The following DDR1 variants were observed in gnomAD, a reference collection of about 807,000 sequenced individuals.
DDR1 encodes the protein discoidin domain receptor tyrosine kinase 1, also known as epithelial discoidin domain-containing receptor 1.
Under a neutral mutation model 97.4 loss-of-function variants are expected in DDR1, and 64 were observed. That is an observed-to-expected ratio of 0.66 (90% CI 0.54 to 0.81). The LOEUF is 0.81. Among genes scored for constraint, DDR1 ranks in the 30% least tolerant of loss-of-function variants. The pLI is 0.00. For missense variants in DDR1, 990 were observed against 1,259.6 expected (o/e 0.79, Z 3.24); for synonymous variants, 458 against 503.7 (o/e 0.91, Z 1.21).
Position 30,888,812 on chromosome 6 carries a change from C to T in DDR1, c.83C>T (p.Pro28Leu). 6.2e-7 allele frequency: 1 copy of T among 1,613,010 alleles called. No homozygotes were observed. Among genetic ancestry groups the T allele is most frequent in the South Asian group, 1.1e-5 (1 of 91,072 alleles). Residue 28 changes from proline to leucine, a missense_variant and splice_region_variant, in exon 2 of 18, where the codon CCT becomes CTT. Pro to Leu is a moderately conservative substitution (Grantham distance 98). Coordinates refer to ENST00000376568, the MANE Select transcript of DDR1 (RefSeq NM_001297654.2). The surrounding 1 kb of genome is among the most constrained non-coding windows in gnomAD (Gnocchi z 4.2). ...GDADMKGHFDPAKCRYALGMQ... is the reference protein window; with the variant it reads ...GDADMKGHFDLAKCRYALGMQ... ...GCTGACATGAAGGGACATTTTGATC[C>T]TGGTGAGGAGACTGAATCATGGGTC... is the stretch of plus-strand genomic sequence containing the variant.
chr6:30,898,014 C>T, intron 15 of DDR1, 59 bp from the exon 16 acceptor site: 3 of 1,391,638 alleles, frequency 2.2e-6, no homozygotes, highest in Admixed American at 1.8e-5. Context: ...TCTCTCTCCT[C>T]TCCTGGATGG....
rs747763259 is a variant in DDR1, at chr6:30,891,547, G to GTGTGTGTGTGTGTGTGTGTTTGTT, written c.665+78_665+79insTGTGTGTGTTTGTTTGTGTGTGTG. 1 of 931,978 alleles carries GTGTGTGTGTGTGTGTGTGTTTGTT rather than the reference G, an allele frequency of 1.1e-6. No homozygotes were observed. The highest frequency in any genetic ancestry group is 1.6e-5 in the African/African-American group (1 of 60,730). 57.7% of individuals were successfully genotyped at this position (931,978 alleles called of 1,614,324 possible). The stretch of plus-strand genomic sequence containing the variant: ...GAGGACTGTGTGTGTGTGTGTGTGT[G>GTGTGTGTGTGTGTGTGTGTTTGTT]TGTGTGTGTGAGAGTGTGTGTGTGT... On this transcript the variant is annotated intron_variant, in intron 6 of 17. Coordinates refer to ENST00000376568, the MANE Select transcript of DDR1 (RefSeq NM_001297654.2). This position sits in a 1 kb window ranked among gnomAD's most constrained non-coding sequence, Gnocchi z 5.3.
At chr6:30,881,620 T>G (rs1323294030), upstream of DDR1, among the ~76,000 whole-genome samples, 1 of 152,188 alleles carries the variant, frequency 6.6e-6, no homozygotes, top group Non-Finnish European at 1.5e-5. Flanking sequence ...CTTAGGAGTT[T>G]GTTTCCAACA....
chr6:30,895,902 CAT>C (rs1375655107), intron 12 of DDR1, among the ~76,000 whole-genome samples: 4 of 152,144 alleles, frequency 2.6e-5, no homozygotes, highest in African/African-American at 9.7e-5. Context: ...CTTTCCCTCA[CAT>C]GTGTCCTCTC....
rs370113205 is a variant in DDR1 at position 30,896,692 on chromosome 6, G to A, written c.1696G>A (p.Val566Ile). The change falls in exon 13 of 18, where the codon GTC (valine) becomes ATC (isoleucine). Residue 566 changes from valine to isoleucine, a missense_variant. Coordinates refer to ENST00000376568, the MANE Select transcript of DDR1 (RefSeq NM_001297654.2). Reference sequence around the variant, plus strand: ...TCTGCCCCCACCTCCCCAGAACAGCGTCCCCCATTATGCCGAGGCTGACAT... The same window carrying A: ...TCTGCCCCCACCTCCCCAGAACAGCATCCCCCATTATGCCGAGGCTGACAT... ...PLLPPPPQNSVPHYAEADIVT... is the reference protein window; with the variant it reads ...PLLPPPPQNSIPHYAEADIVT... The A allele has an allele frequency of 1.1e-5, 17 of 1,611,148 alleles. No individual in the cohort carries two copies. Among genetic ancestry groups the A allele is most frequent in the South Asian group, 4.4e-5 (4 of 90,610 alleles).
At position 30,891,971 on chromosome 6, in the gene DDR1, A is replaced by G. The variant is rs780859666; in HGVS notation, c.666-31A>G. ...GATGTCAAGACCCTCTTCCCTTCCA[A>G]CCTCCTCTTCCTTGGTCCCCTCTTC... On this transcript the variant is annotated intron_variant, in intron 6 of 17. Coordinates refer to ENST00000376568, the MANE Select transcript of DDR1 (RefSeq NM_001297654.2). The surrounding 1 kb of genome is among the most constrained non-coding windows in gnomAD (Gnocchi z 5.3). 7.5e-6 allele frequency: 12 copies of G among 1,610,148 alleles called. No individual in the cohort carries two copies. The highest frequency in any genetic ancestry group is 2.2e-5 in the East Asian group (1 of 44,748).
rs146993618 is a variant in DDR1 at position 30,898,103 on chromosome 6, G to A, written c.2247G>A (p.Gln749=). 2 of 1,614,110 alleles carry A rather than the reference G, an allele frequency of 1.2e-6. No individual in the cohort carries two copies. Among genetic ancestry groups the A allele is most frequent in the Non-Finnish European group, 1.7e-6 (2 of 1,180,030 alleles). The part of the protein sequence containing the change: ...SYPMLLHVAA[Q]IASGMRYLAT... ...CAATGCTGCTGCATGTGGCAGCCCA[G>A]ATCGCCTCCGGCATGCGCTATCTGG... is the stretch of plus-strand genomic sequence containing the variant. Residue 749 remains glutamine (Q), a synonymous_variant, in exon 16 of 18, where the codon CAG becomes CAA. Coordinates refer to ENST00000376568, the MANE Select transcript of DDR1 (RefSeq NM_001297654.2).
chr6:30,891,082 T>C lies in DDR1; in HGVS notation c.527T>C (p.Val176Ala). Residue 176 changes from valine (V) to alanine (A), a missense_variant, in exon 5 of 18, where the codon GTC becomes GCC. Coordinates refer to ENST00000376568, the MANE Select transcript of DDR1 (RefSeq NM_001297654.2). This position sits in a 1 kb window ranked among gnomAD's most constrained non-coding sequence, Gnocchi z 5.3. ...FYPRADRVMS[V>A]CLRVELYGCL... ...CCCCGGGCTGACCGGGTCATGAGCG[T>C]CTGTCTGCGGGTAGAGCTCTATGGC... 6.2e-7 allele frequency: 1 copy of C among 1,613,000 alleles called. No individual in the cohort carries two copies. Among genetic ancestry groups the C allele is most frequent in the Non-Finnish European group, 8.5e-7 (1 of 1,180,010 alleles).
At chr6:30,883,061 C>T (rs1784554127), upstream of DDR1, 1 of 152,336 alleles carries the variant, frequency 6.6e-6, no homozygotes, top group African/African-American at 2.4e-5. The surrounding 1 kb of genome is among the most constrained non-coding windows in gnomAD (Gnocchi z 4.9). Context: ...TCGAGTGACC[C>T]TGGGGCTGTC....
chr6:30,893,138 A>G lies in DDR1; in HGVS notation c.1170A>G (p.Pro390=), dbSNP rs567947293. 2 of 1,609,782 alleles carry G rather than the reference A, an allele frequency of 1.2e-6. No individual in the cohort carries two copies. Among genetic ancestry groups the G allele is most frequent in the Admixed American group, 1.7e-5 (1 of 59,926 alleles). ...CAGCCCCCTGGTGGCCGCCTGGCCC[A>G]CCTCCCACCAACTTCAGCAGCTTGG... ...FPPAPWWPPG[P]PPTNFSSLEL... The change falls in exon 9 of 18, where the codon CCA becomes CCG. Residue 390 remains proline, a synonymous_variant. Coordinates refer to ENST00000376568, the MANE Select transcript of DDR1 (RefSeq NM_001297654.2).
chr6:30,899,326 G>GA lies in DDR1; in HGVS notation c.*31dup, dbSNP rs1309554674. On this transcript the variant is annotated 3_prime_UTR_variant, in exon 18 of 18. Coordinates refer to ENST00000376568, the MANE Select transcript of DDR1 (RefSeq NM_001297654.2). ...CACATCCAGCTGCCCCTCCCTCAGGGAGCGATCCAGGGGAAGCCAGTGACA... is the reference window on the plus strand; with the variant it reads ...CACATCCAGCTGCCCCTCCCTCAGGGAAGCGATCCAGGGGAAGCCAGTGACA... 6.9e-6 allele frequency: 11 copies of GA among 1,591,186 alleles called. No homozygotes were observed. Among genetic ancestry groups the GA allele is most frequent in the African/African-American group, 1.3e-5 (1 of 74,500 alleles).
intron 10 of DDR1, among the ~76,000 whole-genome samples, chr6:30,893,756 C>T (rs1023461326): frequency 2.2e-4 from 33 of 152,218 alleles, no homozygotes; most frequent in Non-Finnish European, 4.9e-4. Flanking sequence ...GATGCCCTGA[C>T]CTCACTTTCT....
intron 12 of DDR1, 70 bp from the exon 13 acceptor site, chr6:30,896,551 G>T: frequency 1.3e-6 from 2 of 1,538,036 alleles, no homozygotes; most frequent in South Asian, 1.3e-5. Flanking sequence ...GGAGGCTGAG[G>T]TGTGGGGAAC....
intron 12 of DDR1, among the ~76,000 whole-genome samples, chr6:30,896,291 T>G (rs1343064159): frequency 6.6e-6 from 1 of 151,616 alleles, no homozygotes; most frequent in Non-Finnish European, 1.5e-5. Context: ...GGCGGGAGAA[T>G]TCCTGGGGAG....
In DDR1 at chr6:30,892,457, TGGC is replaced by T. The variant is rs754748213; in HGVS notation, c.1018_1020del (p.Gly340del). On this transcript the variant is annotated inframe_deletion, in exon 8 of 18. Coordinates refer to ENST00000376568, the MANE Select transcript of DDR1 (RefSeq NM_001297654.2). ...GAGCCCGGGCTGTCTCAGTGCCCCT[TGGC>T]GGCCGTGTGGCTCGCTTTCTGCAGT... 3 of 1,609,672 alleles carry T rather than the reference TGGC, an allele frequency of 1.9e-6. No homozygotes were observed. The African/African-American group carries it at 4.0e-5, about 21-fold the overall frequency.
In DDR1 at chr6:30,888,015, A is replaced by T. The variant is rs1365943966; in HGVS notation, c.-42-673A>T. Among the ~76,000 whole-genome samples, 1 of 152,200 alleles carries T rather than the reference A, an allele frequency of 6.6e-6. No individual in the cohort carries two copies. The highest frequency in any genetic ancestry group is 1.5e-5 in the Non-Finnish European group (1 of 68,034). ...TAGATTGCTTTCCAAATAGAAGATAACACTCATTTCTGCCATTGAGCATGG... is the reference window on the plus strand; with the variant it reads ...TAGATTGCTTTCCAAATAGAAGATATCACTCATTTCTGCCATTGAGCATGG... On this transcript the variant is annotated intron_variant, in intron 1 of 17. Coordinates refer to ENST00000376568, the MANE Select transcript of DDR1 (RefSeq NM_001297654.2). The surrounding 1 kb of genome is among the most constrained non-coding windows in gnomAD (Gnocchi z 4.2).
chr6:30,896,804 T>C lies in DDR1; in HGVS notation c.1808T>C (p.Val603Ala). The C allele has an allele frequency of 6.3e-7, 1 of 1,589,286 alleles. No individual in the cohort carries two copies. Residue 603 changes from valine to alanine, a missense_variant, in exon 13 of 18, where the codon GTG (valine) becomes GCG (alanine). Transcript: ENST00000376568. The stretch of plus-strand genomic sequence containing the variant: ...GCAGTCGGGGATGGGCCCCCCAGAG[T>C]GGATTTCCCTCGATCTCGACTCCGC... Reference protein sequence around the residue: ...PGAVGDGPPRVDFPRSRLRFK... With the variant: ...PGAVGDGPPRADFPRSRLRFK...
chr6:30,893,442 T>C lies in DDR1; in HGVS notation c.1347+19T>C, dbSNP rs1247371898. The C allele has an allele frequency of 6.3e-7, 1 of 1,595,020 alleles. No homozygotes were observed. The highest frequency in any genetic ancestry group is 8.5e-7 in the Non-Finnish European group (1 of 1,176,582). On this transcript the variant is annotated intron_variant, in intron 10 of 17. Coordinates refer to ENST00000376568, the MANE Select transcript of DDR1 (RefSeq NM_001297654.2). ...CAGCAAGGTGGGCACAGCCGTGGCATGTGGAGTGGCGGGGGGAGGCCAGGC... is the reference window on the plus strand; with the variant it reads ...CAGCAAGGTGGGCACAGCCGTGGCACGTGGAGTGGCGGGGGGAGGCCAGGC...
intron 16 of DDR1, among the ~76,000 whole-genome samples, chr6:30,898,629 T>G (rs1791818561): frequency 1.3e-5 from 2 of 149,444 alleles, no homozygotes; most frequent in African/African-American, 2.5e-5. Context: ...AAAGTGGGGG[T>G]GGATGGAGAG....
Sources: gnomAD v4.1 joint callset for allele counts (sites outside exome capture counted in the v4.1 genomes callset) on GRCh38, gnomAD v4.1.1 for gene constraint, Gnocchi (gnomAD v3.1) non-coding constraint, MANE v1.5 for transcripts, NCBI Gene and HGNC (gene_info 2026-07-23, HGNC 2026-07-21) for gene names.